Variants in CARS1 observed in about 807,000 individuals in gnomAD.
CARS1 encodes cysteine--tRNA ligase, cytoplasmic.
In CARS1, 48 loss-of-function variants were observed where a neutral mutation model predicts 106.2. The ratio of observed to expected loss-of-function variants is 0.45; its 90% confidence interval spans 0.36 to 0.57. The LOEUF is 0.57. CARS1 is among the 20% of genes least tolerant of loss of function. The pLI, the probability that CARS1 is intolerant of heterozygous loss-of-function variation, is 0.00. For missense variants in CARS1, 968 were observed against 1,057.2 expected (o/e 0.92, Z 1.17); for synonymous variants, 409 against 403.4 (o/e 1.01, Z -0.17).
Position 3,016,474 on chromosome 11 carries a change from T to C in CARS1, c.1918-625A>G, listed in dbSNP as rs370208844. Reference sequence around the variant, plus strand: ...TCCTGACCTTGTGATCCGCCCGCCTTGGCCTCCCAAAGTGCTGGGATTACA... The same window carrying C: ...TCCTGACCTTGTGATCCGCCCGCCTCGGCCTCCCAAAGTGCTGGGATTACA... On this transcript the variant is annotated intron_variant, in intron 16 of 22. Transcript: ENST00000380525. Among the ~76,000 whole-genome samples, 14 of 152,212 alleles carry C rather than the reference T, an allele frequency of 9.2e-5. No homozygotes were observed. In the East Asian group the frequency reaches 1.2e-3, roughly 13 times the overall value.
chr11:3,039,163 C>G lies in CARS1; in HGVS notation c.651+31G>C, dbSNP rs746571547. 44 of 1,414,708 alleles carry G rather than the reference C, an allele frequency of 3.1e-5. No individual in the cohort carries two copies. The Admixed American group carries it at 5.8e-4, about 19-fold the overall frequency. 87.6% of individuals were successfully genotyped at this position (1,414,708 alleles called of 1,614,324 possible). ...GACCGAGAACAGAAAGCAAAGGGCTCGGTTTCTAGAGCAGACAGCAAGAGG... is the reference window on the plus strand; with the variant it reads ...GACCGAGAACAGAAAGCAAAGGGCTGGGTTTCTAGAGCAGACAGCAAGAGG... On this transcript the variant is annotated intron_variant, in intron 6 of 22. Transcript: ENST00000380525. This position sits in a 1 kb window ranked among gnomAD's most constrained non-coding sequence, Gnocchi z 5.6.
chr11:3,056,517 C>A (rs557310705), intron 1 of CARS1, among the ~76,000 whole-genome samples: 11 of 152,194 alleles, frequency 7.2e-5, no homozygotes. Flanking sequence ...CCCTGGGGAA[C>A]CTCCCGGGTT....
At chr11:3,005,476 GC>G (rs777894288) in intron 19 of CARS1, 43 bp from the exon 20 acceptor site, 14 of 1,538,924 alleles carry the variant, frequency 9.1e-6, no homozygotes, top group Non-Finnish European at 9.0e-7. Context: ...GGCTCTGTGG[GC>G]CGTCCCCACT....
intron 18 of CARS1, among the ~76,000 whole-genome samples, chr11:3,010,948 G>A (rs948776903): frequency 2.6e-5 from 4 of 152,184 alleles, no homozygotes; most frequent in African/African-American, 7.2e-5. Context: ...TGGATCCTAG[G>A]TCAGACTTCC....
At position 3,039,568 on chromosome 11, in the gene CARS1, G is replaced by T. The variant is rs1379479233; in HGVS notation, c.552+267C>A. ...CCCTGCAAGCCACATGTCGAAGTGCGTGCTGTGGGAGGCCTTCCTTCTGCA... is the reference window on the plus strand; with the variant it reads ...CCCTGCAAGCCACATGTCGAAGTGCTTGCTGTGGGAGGCCTTCCTTCTGCA... On this transcript the variant is annotated intron_variant, in intron 5 of 22. Transcript: ENST00000380525. The surrounding 1 kb of genome is among the most constrained non-coding windows in gnomAD (Gnocchi z 5.6). Among the ~76,000 whole-genome samples, 1 of 152,200 alleles carries T rather than the reference G, an allele frequency of 6.6e-6. No individual in the cohort carries two copies. Among genetic ancestry groups the T allele is most frequent in the African/African-American group, 2.4e-5 (1 of 41,446 alleles).
rs1856305807 is a variant in CARS1, at chr11:3,057,211, G to A, written c.25+132C>T. On this transcript the variant is annotated intron_variant, in intron 1 of 22. Coordinates refer to ENST00000380525, the MANE Select transcript of CARS1 (RefSeq NM_001014437.3). ...CGGGCACTGCCGCCCCTCAGACCAC[G>A]GACACAGCTGCCCCTCAGAACCCAT... The A allele has an allele frequency of 5.1e-6, 4 of 780,418 alleles. No individual in the cohort carries two copies. The African/African-American group carries it at 5.2e-5, about 10-fold the overall frequency. 48.3% of individuals were successfully genotyped at this position (780,418 alleles called of 1,614,324 possible). A position where few individuals can be genotyped will look rare whatever the true frequency, so the allele number is the denominator to read the frequency against.
At chr11:3,018,830 G>A in intron 12 of CARS1, 81 bp from the exon 13 acceptor site, 2 of 1,527,564 alleles carry the variant, frequency 1.3e-6, no homozygotes, top group Non-Finnish European at 1.8e-6. Context: ...CTGCTGCCTT[G>A]TTGGTGCTGT....
chr11:3,018,571 C>T (rs374031299), intron 13 of CARS1, 49 bp downstream of exon 13: 1 of 1,612,838 alleles, frequency 6.2e-7, no homozygotes, highest in African/African-American at 1.3e-5. Context: ...AGCCATTACA[C>T]ATGTATGAGA....
chr11:3,039,386 G>A lies in CARS1; in HGVS notation c.553-94C>T, dbSNP rs1854124436. On this transcript the variant is annotated intron_variant, in intron 5 of 22. Transcript: ENST00000380525. The surrounding 1 kb of genome is among the most constrained non-coding windows in gnomAD (Gnocchi z 5.6). ...CTCTCTCCCTTGGCCAACTCTAAGT[G>A]AGGGTGAGGGTGGTGGGAGACAACT... 1.3e-6 allele frequency: 1 copy of A among 757,404 alleles called. No homozygotes were observed. 46.9% of individuals were successfully genotyped at this position (757,404 alleles called of 1,614,324 possible). A position where few individuals can be genotyped will look rare whatever the true frequency, so the allele number is the denominator to read the frequency against.
chr11:3,018,699 G>C lies in CARS1; in HGVS notation c.1446C>G (p.His482Gln). 6.2e-7 allele frequency: 1 copy of C among 1,614,226 alleles called. No individual in the cohort carries two copies. Among genetic ancestry groups the C allele is most frequent in the Non-Finnish European group, 8.5e-7 (1 of 1,180,036 alleles). The change falls in exon 13 of 23, where the codon CAC (histidine) becomes CAG (glutamine). Residue 482 changes from histidine to glutamine, a missense_variant. Transcript: ENST00000380525. ...CWVRYFLHTG[H>Q]LTIAGCKMSK... ...ACATTTTGCAGCCTGCAATGGTCAG[G>C]TGGCCTGTGTGCAGGAAGTACCTGA...
Position 3,039,255 on chromosome 11 carries a change from T to C in CARS1, c.590A>G (p.Gln197Arg), listed in dbSNP as rs200606662. The change falls in exon 6 of 23, where the codon CAG (glutamine) becomes CGG (arginine). Residue 197 changes from glutamine to arginine, a missense_variant. Physicochemically the swap from Gln to Arg is conservative, Grantham distance 43. Transcript: ENST00000380525. This position sits in a 1 kb window ranked among gnomAD's most constrained non-coding sequence, Gnocchi z 5.6. The stretch of plus-strand genomic sequence containing the variant: ...CGCTTCAGGCCTCTTCTCCCGATAC[T>C]GCTCGAACAGGTGGTTCTGCCGGGC... The part of the protein sequence containing the change: ...KRARQNHLFE[Q>R]YREKRPEAAQ... 1.9e-5 allele frequency: 31 copies of C among 1,613,770 alleles called. No homozygotes were observed. The highest frequency in any genetic ancestry group is 1.0e-4 in the Admixed American group (6 of 60,006).
rs143451854 is a variant in CARS1, at chr11:3,001,268, C to T, written c.2362-20G>A. 5.4e-5 allele frequency: 87 copies of T among 1,611,848 alleles called. No homozygotes were observed. In the African/African-American group the frequency reaches 8.0e-4, roughly 15 times the overall value. ...CAGACCCTGAAAACCCAGAGCACAG[C>T]GGCTATTGGTCTCCTCTGCACCTGG... On this transcript the variant is annotated intron_variant, in intron 22 of 22. Coordinates refer to ENST00000380525, the MANE Select transcript of CARS1 (RefSeq NM_001014437.3).
intron 9 of CARS1, chr11:3,027,796 C>T (rs957066820): frequency 6.6e-6 from 3 of 454,332 alleles, no homozygotes; most frequent in Non-Finnish European, 1.3e-5. Context: ...GGAGGATGCC[C>T]GTTGCCAAGC....
chr11:3,005,091 G>C (rs1429336325), intron 20 of CARS1, among the ~76,000 whole-genome samples: 4 of 123,448 alleles, frequency 3.2e-5, no homozygotes, highest in Admixed American at 1.0e-4. Flanking sequence ...CTGAGCAACA[G>C]AGTGAGACTC....
rs1001282533 is a variant in CARS1 at position 3,027,891 on chromosome 11, C to T, written c.1032-1094G>A. On this transcript the variant is annotated intron_variant, in intron 9 of 22. Coordinates refer to ENST00000380525, the MANE Select transcript of CARS1 (RefSeq NM_001014437.3). ...GGGAAAGGGAGTCTCCCTTGCCCCG[C>T]GGGAGTCTGGAGAAGACTCTGCTCC... 3.3e-5 allele frequency: 15 copies of T among 448,126 alleles called. No individual in the cohort carries two copies. The East Asian group carries it at 9.1e-4, about 27-fold the overall frequency. The allele number at this position is 448,126 out of a possible 1,614,324, so 27.8% of individuals were successfully genotyped here. A position where few individuals can be genotyped will look rare whatever the true frequency, so the allele number is the denominator to read the frequency against.
chr11:3,042,029 C>T (rs1854526646), intron 3 of CARS1, 136 bp downstream of exon 3: 1 of 626,540 alleles, frequency 1.6e-6, no homozygotes, highest in African/African-American at 1.9e-5. Context: ...ACTGAAGGAT[C>T]TTAAACCTGG....
chr11:3,029,155 A>G lies in CARS1; in HGVS notation c.943-71T>C. ...CACGCGCTCCATAAAAACGTTCCCA[A>G]TTCATAAAACGAAAAGCCCATTATG... On this transcript the variant is annotated intron_variant, in intron 8 of 22. Transcript: ENST00000380525. The surrounding 1 kb of genome is among the most constrained non-coding windows in gnomAD (Gnocchi z 5.9). 1 of 1,447,332 alleles carries G rather than the reference A, an allele frequency of 6.9e-7. No individual in the cohort carries two copies. The highest frequency in any genetic ancestry group is 9.7e-7 in the Non-Finnish European group (1 of 1,030,624). 89.7% of individuals were successfully genotyped at this position (1,447,332 alleles called of 1,614,324 possible).
rs186569164 is a variant in CARS1, at chr11:3,028,538, C to T, written c.1031+458G>A. 159 of 233,362 alleles carry T rather than the reference C, an allele frequency of 6.8e-4. No homozygotes were observed. The highest frequency in any genetic ancestry group is 3.1e-3 in the African/African-American group (134 of 43,672). The allele number at this position is 233,362 out of a possible 1,614,324, so 14.5% of individuals were successfully genotyped here. The stretch of plus-strand genomic sequence containing the variant: ...GCTTACTTTGGAGATTGAGACAATA[C>T]GGGCCAGGGAAGTGTATGATGGATT... On this transcript the variant is annotated intron_variant, in intron 9 of 22. Transcript: ENST00000380525. The surrounding 1 kb of genome is among the most constrained non-coding windows in gnomAD (Gnocchi z 4.4).
chr11:3,041,011 T>A lies in CARS1; in HGVS notation c.367-27A>T. ...TTTGTTAGGAATGAAGGAATGACGA[T>A]CACAAGAAATGCAAGAAACACTGCA... On this transcript the variant is annotated intron_variant, in intron 3 of 22. Coordinates refer to ENST00000380525, the MANE Select transcript of CARS1 (RefSeq NM_001014437.3). This position sits in a 1 kb window ranked among gnomAD's most constrained non-coding sequence, Gnocchi z 4.9. The A allele has an allele frequency of 6.2e-7, 1 of 1,614,004 alleles. No individual in the cohort carries two copies. Among genetic ancestry groups the A allele is most frequent in the Non-Finnish European group, 8.5e-7 (1 of 1,179,958 alleles).
Sources: gnomAD v4.1 joint callset for allele counts (sites outside exome capture counted in the v4.1 genomes callset) on GRCh38, gnomAD v4.1.1 for gene constraint, Gnocchi (gnomAD v3.1) non-coding constraint, MANE v1.5 for transcripts, NCBI Gene and HGNC (gene_info 2026-07-23, HGNC 2026-07-21) for gene names.